Variants in ZNF385D observed in about 807,000 individuals in gnomAD.
ZNF385D encodes zinc finger protein 659.
Under a neutral mutation model 35.8 loss-of-function variants are expected in ZNF385D, and 15 were observed. The ratio of observed to expected loss-of-function variants is 0.42; its 90% CI spans 0.28 to 0.64. The LOEUF (loss-of-function observed/expected upper bound fraction) is 0.64, where lower values mean the gene tolerates loss of function less well. ZNF385D is among the 30% of genes least tolerant of loss of function. The pLI, the probability that ZNF385D is intolerant of heterozygous loss-of-function variation, is 0.23. For synonymous variants in ZNF385D, 212 were observed against 186.8 expected, an observed-to-expected ratio of 1.13 and a Z score of -1.10; for missense variants, 474 against 494.6, an observed-to-expected ratio of 0.96 and a Z score of 0.39.
At chr3:22,211,909 T>A (rs139435798) in intron 2 of ZNF385D, among the ~76,000 whole-genome samples, 2 of 152,156 alleles carry the variant, frequency 1.3e-5, no homozygotes, top group East Asian at 3.9e-4. Context: ...ACAATATGAT[T>A]CCTGGCTTTG....
Position 21,665,092 on chromosome 3 carries a change from G to C in ZNF385D, c.23-64C>G. The stretch of plus-strand genomic sequence containing the variant: ...ACGCATGGAAAAAAACACCAAAGTT[G>C]CTTTTGAGACAAAAAAGGCCAGCTT... On this transcript the variant is annotated intron_variant, in intron 1 of 7. Coordinates refer to ENST00000281523, the MANE Select transcript of ZNF385D (RefSeq NM_024697.3). The C allele has an allele frequency of 6.7e-6, 10 of 1,497,450 alleles. No homozygotes were observed. In the South Asian group the frequency reaches 1.4e-4, roughly 21 times the overall value. The allele number at this position is 1,497,450 out of a possible 1,614,324, so 92.8% of individuals were successfully genotyped here.
chr3:21,825,669 G>A (rs916414987), intron 3 of ZNF385D, among the ~76,000 whole-genome samples: 2 of 152,192 alleles, frequency 1.3e-5, no homozygotes, highest in South Asian at 4.1e-4. Context: ...AGACAGAAGA[G>A]AGGGACGCTG....
At chr3:22,121,965 G>C (rs1360930641) in intron 3 of ZNF385D, among the ~76,000 whole-genome samples, 2 of 152,080 alleles carry the variant, frequency 1.3e-5, no homozygotes, top group Admixed American at 1.3e-4. Context: ...CCCAGCTACA[G>C]AATTCCAGAG....
intron 3 of ZNF385D, among the ~76,000 whole-genome samples, chr3:21,821,931 A>C: frequency 1.4e-5 from 2 of 146,818 alleles, no homozygotes; most frequent in South Asian, 4.3e-4. Context: ...ACGCCACTGT[A>C]CTCCAGCCTG....
chr3:21,697,120 G>T (rs372385590), intron 1 of ZNF385D, among the ~76,000 whole-genome samples: 2 of 152,226 alleles, frequency 1.3e-5, no homozygotes, highest in East Asian at 3.9e-4. Context: ...CTTAGGGAGA[G>T]GTACTTAGCC....
intron 3 of ZNF385D, among the ~76,000 whole-genome samples, chr3:22,137,389 T>C (rs2125696971): frequency 6.6e-6 from 1 of 152,216 alleles, no homozygotes; most frequent in Admixed American, 6.5e-5. Flanking sequence ...TTTAGACCAA[T>C]ATCCTTGATG....
chr3:21,545,254 C>G (rs934960739), intron 3 of ZNF385D, among the ~76,000 whole-genome samples: 2 of 152,118 alleles, frequency 1.3e-5, no homozygotes, highest in Non-Finnish European at 2.9e-5. Flanking sequence ...CAGGTGCTCT[C>G]AAATACAGAC....
rs1457139574 is a variant in ZNF385D at position 22,349,349 on chromosome 3, AG to A, written c.106+23100del. On this transcript the variant is annotated intron_variant, in intron 2 of 5. Transcript: ENST00000494108. The stretch of plus-strand genomic sequence containing the variant: ...CTGTCACAATGTGAATAGTGTTCCT[AG>A]GGGACTTGCGTAGGAAAAATGTGAT... 2.6e-5 allele frequency among the ~76,000 whole-genome samples: 4 copies of A among 152,140 alleles called. No individual in the cohort carries two copies. The East Asian group carries it at 7.7e-4, about 29-fold the overall frequency.
intron 4 of ZNF385D, among the ~76,000 whole-genome samples, chr3:21,507,308 T>C (rs778191076): frequency 1.3e-5 from 2 of 152,150 alleles, no homozygotes; most frequent in South Asian, 2.1e-4. Flanking sequence ...TACCAAAGTA[T>C]GACATGTTTA....
chr3:22,151,723 A>C (rs1395288617), intron 3 of ZNF385D, among the ~76,000 whole-genome samples: 1 of 152,280 alleles, frequency 6.6e-6, no homozygotes, highest in South Asian at 2.1e-4. Context: ...ATCTCTTCCA[A>C]TAAACACCTT....
At chr3:21,578,367 T>C (rs1453766961) in intron 2 of ZNF385D, among the ~76,000 whole-genome samples, 1 of 152,196 alleles carries the variant, frequency 6.6e-6, no homozygotes, top group African/African-American at 2.4e-5. Context: ...CTTTGTTGAC[T>C]GTACTTTTGA....
chr3:21,990,313 T>G (rs145658026), intron 3 of ZNF385D, among the ~76,000 whole-genome samples: 1 of 152,164 alleles, frequency 6.6e-6, no homozygotes, highest in African/African-American at 2.4e-5. Flanking sequence ...TTGGTCAACA[T>G]CAGTAGTTAT....
At chr3:21,525,955 T>C (rs1179057767) in intron 3 of ZNF385D, among the ~76,000 whole-genome samples, 2 of 152,160 alleles carry the variant, frequency 1.3e-5, no homozygotes, top group African/African-American at 4.8e-5. Flanking sequence ...CTTGGGCATA[T>C]ATTAACAATT....
chr3:21,817,964 T>G (rs973556918), intron 3 of ZNF385D, among the ~76,000 whole-genome samples: 1 of 152,098 alleles, frequency 6.6e-6, no homozygotes, highest in South Asian at 2.1e-4. Context: ...TTAAGAAAAT[T>G]TGGCACATAT....
intron 2 of ZNF385D, among the ~76,000 whole-genome samples, chr3:22,202,876 A>T (rs1696895976): frequency 6.6e-6 from 1 of 152,120 alleles, no homozygotes; most frequent in Non-Finnish European, 1.5e-5. Flanking sequence ...CACCCATTCC[A>T]TTGGTTGAAA....
intron 2 of ZNF385D, among the ~76,000 whole-genome samples, chr3:22,178,783 A>C (rs1353016513): frequency 6.6e-6 from 1 of 152,222 alleles, no homozygotes; most frequent in Non-Finnish European, 1.5e-5. Flanking sequence ...GAAGGGATCT[A>C]GTTTCAGCTT....
chr3:21,471,249 T>A (rs1575207826), intron 4 of ZNF385D, among the ~76,000 whole-genome samples: 1 of 99,822 alleles, frequency 1.0e-5, no homozygotes, highest in Non-Finnish European at 2.1e-5. Context: ...CCTCCCTCCC[T>A]CCCTTTCTCT....
At chr3:21,757,835 G>A (rs9824595) in intron 3 of ZNF385D, among the ~76,000 whole-genome samples, 1 of 152,036 alleles carries the variant, frequency 6.6e-6, no homozygotes, top group Non-Finnish European at 1.5e-5. Flanking sequence ...TAGACATAAA[G>A]GCAGAGACAT....
At chr3:22,073,922 C>A (rs1447950735) in intron 3 of ZNF385D, among the ~76,000 whole-genome samples, 3 of 151,858 alleles carry the variant, frequency 2.0e-5, no homozygotes, top group Non-Finnish European at 4.4e-5. Flanking sequence ...TTTAAAAGGG[C>A]AGTTTATCTT....
Sources: allele counts gnomAD v4.1 joint callset (sites outside exome capture counted in the v4.1 genomes callset), GRCh38; gene constraint gnomAD v4.1.1; transcripts MANE v1.5; gene names NCBI Gene and HGNC (gene_info 2026-07-23, HGNC 2026-07-21).